KBTBD3: variants seen among roughly 807,000 people sequenced by gnomAD.
KBTBD3 encodes the protein kelch repeat and BTB domain containing 3, also known as kelch repeat and BTB domain-containing protein 3.
A neutral mutation model predicts 49.6 loss-of-function variants in KBTBD3; 38 were observed. The observed-to-expected ratio is 0.77, with a 90% CI of 0.59 to 1.00. The LOEUF is 1.00. Among genes scored for constraint, KBTBD3 ranks in the 50% least tolerant of loss-of-function variants. The pLI is 0.00. For synonymous variants in KBTBD3, 214 were observed against 250.4 expected, an observed-to-expected ratio of 0.85 and a Z score of 1.37; for missense variants, 661 against 712.0, an observed-to-expected ratio of 0.93 and a Z score of 0.81.
Position 106,054,095 on chromosome 11 carries a change from T to A in KBTBD3, c.594A>T (p.Leu198=), listed in dbSNP as rs1309745947. The A allele has an allele frequency of 6.2e-7, 1 of 1,613,552 alleles. No homozygotes were observed. Among genetic ancestry groups the A allele is most frequent in the Non-Finnish European group, 8.5e-7 (1 of 1,179,792 alleles). ...ATTCATCTGATTCCAGACATTTCTG[T>A]AGTACTCCAAAATTCATCTCTAAGA... ...SDFLEMNFGV[L]QKCLESDELN... The change falls in exon 4 of 4, where the codon CTA becomes CTT. Residue 198 remains leucine, a synonymous_variant. Coordinates refer to ENST00000531837, the MANE Select transcript of KBTBD3 (RefSeq NM_198439.3).
chr11:106,062,298 G>A (rs1271939571), intron 2 of KBTBD3, among the ~76,000 whole-genome samples: 1 of 152,068 alleles, frequency 6.6e-6, no homozygotes, highest in Non-Finnish European at 1.5e-5. Context: ...ATGAAGATGA[G>A]GGCAGAGAGA....
chr11:106,076,608 GTCATCTGC>G lies in KBTBD3; in HGVS notation c.-122_-115del, dbSNP rs1861035442. ...ATCGACCTCCAGGTAGTCATTTACA[GTCATCTGC>G]AGAGACCAACTTTTCCCTGGACCAA... On this transcript the variant is annotated 5_prime_UTR_variant, in exon 2 of 4. An upstream start codon of the reference 5' UTR is lost. Coordinates refer to ENST00000531837, the MANE Select transcript of KBTBD3 (RefSeq NM_198439.3). The G allele has an allele frequency of 6.6e-6, 1 of 152,168 alleles. No individual in the cohort carries two copies. Among genetic ancestry groups the G allele is most frequent in the Non-Finnish European group, 1.5e-5 (1 of 68,032 alleles). The allele number at this position is 152,168 out of a possible 1,614,324, so 9.4% of individuals were successfully genotyped here.
chr11:106,073,411 T>C (rs1169611193), intron 2 of KBTBD3, among the ~76,000 whole-genome samples: 1 of 151,972 alleles, frequency 6.6e-6, no homozygotes, highest in Non-Finnish European at 1.5e-5. Context: ...TCCCATGCTA[T>C]ATGTTTTACA....
At chr11:106,055,960 A>G (rs1339638313) in intron 3 of KBTBD3, among the ~76,000 whole-genome samples, 1 of 152,204 alleles carries the variant, frequency 6.6e-6, no homozygotes, top group African/African-American at 2.4e-5. Flanking sequence ...GTTAACATCT[A>G]TCTCCAATTT....
Position 106,052,148 on chromosome 11 carries a change from A to G in KBTBD3, c.*702T>C, listed in dbSNP as rs1399778096. Reference sequence around the variant, plus strand: ...ATTAAATCCAGAATGTTAATTTACTAAGATTGAACCAGAAAATGAGAGGGG... The same window carrying G: ...ATTAAATCCAGAATGTTAATTTACTGAGATTGAACCAGAAAATGAGAGGGG... On this transcript the variant is annotated 3_prime_UTR_variant, in exon 4 of 4. Coordinates refer to ENST00000531837, the MANE Select transcript of KBTBD3 (RefSeq NM_198439.3). 3 of 151,780 alleles carry G rather than the reference A, an allele frequency of 2.0e-5. No individual in the cohort carries two copies. The highest frequency in any genetic ancestry group is 7.2e-5 in the African/African-American group (3 of 41,380). 9.4% of individuals were successfully genotyped at this position (151,780 alleles called of 1,614,324 possible).
intron 2 of KBTBD3, among the ~76,000 whole-genome samples, chr11:106,075,108 G>A (rs986538784): frequency 2.0e-5 from 3 of 152,138 alleles, no homozygotes; most frequent in South Asian, 2.1e-4. Context: ...GGTAGAGCTG[G>A]AAATAGAATA....
rs1252705437 is a variant in KBTBD3, at chr11:106,051,535, A to G, written c.*1315T>C. 2 of 151,940 alleles carry G rather than the reference A, an allele frequency of 1.3e-5. No individual in the cohort carries two copies. Among genetic ancestry groups the G allele is most frequent in the African/African-American group, 2.4e-5 (1 of 41,426 alleles). The allele number at this position is 151,940 out of a possible 1,614,324, so 9.4% of individuals were successfully genotyped here. A position where few individuals can be genotyped will look rare whatever the true frequency, so the allele number is the denominator to read the frequency against. On this transcript the variant is annotated 3_prime_UTR_variant, in exon 4 of 4. Coordinates refer to ENST00000531837, the MANE Select transcript of KBTBD3 (RefSeq NM_198439.3). ...CATTTGAGAAAGATTAACATTTACAACTGAGTGTAGAAAACTACATTTGGT... is the reference window on the plus strand; with the variant it reads ...CATTTGAGAAAGATTAACATTTACAGCTGAGTGTAGAAAACTACATTTGGT...
rs146419313 is a variant in KBTBD3 at position 106,063,995 on chromosome 11, G to T, written c.-12-4886C>A. On this transcript the variant is annotated intron_variant, in intron 2 of 3. Transcript: ENST00000531837. ...GTGGAAGTTAAGGCTTATTTTCTAA[G>T]AAACTTAACAGAAAAGACAAGCAAA... is the stretch of plus-strand genomic sequence containing the variant. Among the ~76,000 whole-genome samples, 172 of 152,240 alleles carry T rather than the reference G, an allele frequency of 1.1e-3. 4 individuals carry two copies. Among genetic ancestry groups the T allele is most frequent in the Admixed American group, 0.01 (156 of 15,292 alleles).
Position 106,066,318 on chromosome 11 carries a change from C to T in KBTBD3, c.-12-7209G>A, listed in dbSNP as rs111339428. ...AGTGATATAATAAGAATGAAGGTAC[C>T]GGGATTTATCAAAAATAATTTATAC... On this transcript the variant is annotated intron_variant, in intron 2 of 3. Transcript: ENST00000531837. Among the ~76,000 whole-genome samples, 1,271 of 152,088 alleles carry T rather than the reference C, an allele frequency of 8.4e-3. 7 individuals carry two copies. The highest frequency in any genetic ancestry group is 0.027 in the Middle Eastern group (8 of 294).
chr11:106,054,150 T>C lies in KBTBD3; in HGVS notation c.539A>G (p.His180Arg), dbSNP rs1191373370. Residue 180 changes from histidine (H) to arginine (R), a missense_variant, in exon 4 of 4, where the codon CAC (histidine) becomes CGC (arginine). Physicochemically the swap from His to Arg is conservative, Grantham distance 29 (BLOSUM62 0). Coordinates refer to ENST00000531837, the MANE Select transcript of KBTBD3 (RefSeq NM_198439.3). ...ACTGGATTTAAATAATAAAGAAAAG[T>C]GATGTTGTACAAAGTGTAATGCATG... Reference protein sequence around the residue: ...FDHALHFVQHHFSLLFKSSDF... With the variant: ...FDHALHFVQHRFSLLFKSSDF... The C allele has an allele frequency of 6.2e-7, 1 of 1,612,952 alleles. No individual in the cohort carries two copies. The highest frequency in any genetic ancestry group is 8.5e-7 in the Non-Finnish European group (1 of 1,179,300).
At position 106,054,037 on chromosome 11, in the gene KBTBD3, CT is replaced by C; in HGVS notation, c.651del (p.Val218LeufsTer10). 6.2e-7 allele frequency: 1 copy of C among 1,613,704 alleles called. No homozygotes were observed. Among genetic ancestry groups the C allele is most frequent in the Non-Finnish European group, 8.5e-7 (1 of 1,179,788 alleles). On this transcript the variant is annotated frameshift_variant, in exon 4 of 4. Coordinates refer to ENST00000531837, the MANE Select transcript of KBTBD3 (RefSeq NM_198439.3). LOFTEE classifies it high-confidence loss of function. The part of the protein sequence containing the change: ...LNVPEEEMVL[K>X]VVLSWTKHNL... ...TTATGTTTAGTCCAACTAAGGACAA[CT>C]TTCAGTACCATTTCTTCTTCAGGAA...
At chr11:106,065,920 C>T (rs1213163441) in intron 2 of KBTBD3, among the ~76,000 whole-genome samples, 14 of 146,910 alleles carry the variant, frequency 9.5e-5, no homozygotes, top group Non-Finnish European at 1.6e-4. Context: ...GAGATCACAC[C>T]ACTGCACTCC....
chr11:106,060,054 G>C (rs1860653540), intron 2 of KBTBD3, among the ~76,000 whole-genome samples: 1 of 152,138 alleles, frequency 6.6e-6, no homozygotes, highest in Admixed American at 6.6e-5. Context: ...GCCATCTGAA[G>C]GTCTGACTGG....
At chr11:106,061,931 C>A (rs1352437812) in intron 2 of KBTBD3, among the ~76,000 whole-genome samples, 1 of 151,694 alleles carries the variant, frequency 6.6e-6, no homozygotes, top group Non-Finnish European at 1.5e-5. Flanking sequence ...AATACATCTG[C>A]CTAGTGACTA....
chr11:106,059,785 G>GAACTGC (rs1284263825), intron 2 of KBTBD3, among the ~76,000 whole-genome samples: 2 of 152,178 alleles, frequency 1.3e-5, no homozygotes, highest in Non-Finnish European at 2.9e-5. Flanking sequence ...TGAATATCAT[G>GAACTGC]AACTGCAAAT....
chr11:106,069,131 T>C (rs1019586960), intron 2 of KBTBD3, among the ~76,000 whole-genome samples: 1 of 152,090 alleles, frequency 6.6e-6, no homozygotes, highest in Non-Finnish European at 1.5e-5. Context: ...GCCTTCCCCC[T>C]AAGATGAGGA....
chr11:106,053,947 C>A lies in KBTBD3; in HGVS notation c.742G>T (p.Glu248Ter). ...IEKVRLHQLS[E>*]ETLQDCLFNE... ...AACAGACAGTCCTGAAGTGTCTCCT[C>A]AGATAACTGATGTAATCTCACTTTT... The change falls in exon 4 of 4, where the codon GAG becomes TAG. Residue 248 changes from glutamate to a stop codon, truncating the protein, a stop_gained. Transcript: ENST00000531837. LOFTEE classifies it high-confidence loss of function. 6.2e-7 allele frequency: 1 copy of A among 1,613,958 alleles called. No individual in the cohort carries two copies.
At chr11:106,076,104 A>T (rs1263721083) in intron 2 of KBTBD3, 1 of 152,224 alleles carries the variant, frequency 6.6e-6, no homozygotes, top group Non-Finnish European at 1.5e-5. Flanking sequence ...AGGTTATATG[A>T]TTCTTAGTTA....
chr11:106,053,714 C>A lies in KBTBD3; in HGVS notation c.975G>T (p.Pro325=), dbSNP rs371520857. The change falls in exon 4 of 4, where the codon CCG becomes CCT. Residue 325 remains proline (P), a synonymous_variant. Transcript: ENST00000531837. ...NIKSDSWKIL[P]QSHLIDLPGS... ...CTGGCAAATCAATCAGGTGTGATTG[C>A]GGCAGTATTTTCCATGAATCAGATT... is the stretch of plus-strand genomic sequence containing the variant. 2 of 1,613,454 alleles carry A rather than the reference C, an allele frequency of 1.2e-6. No homozygotes were observed. Among genetic ancestry groups the A allele is most frequent in the South Asian group, 2.2e-5 (2 of 91,066 alleles).
Sources: allele counts gnomAD v4.1 joint callset (sites outside exome capture counted in the v4.1 genomes callset), GRCh38; gene constraint gnomAD v4.1.1; transcripts MANE v1.5; gene names NCBI Gene and HGNC (gene_info 2026-07-23, HGNC 2026-07-21).